Variants in CCDC149 observed in about 807,000 individuals in gnomAD.
The protein encoded by CCDC149 is coiled-coil domain containing 149.
CCDC149 carries 45 observed loss-of-function variants against 59.9 expected under a neutral mutation model. That is an observed-to-expected ratio of 0.75 (90% CI 0.59 to 0.96). The LOEUF (loss-of-function observed/expected upper bound fraction) is 0.96. Ranked by LOEUF, CCDC149 falls within the 40% of genes least tolerant of loss-of-function variation. CCDC149 has a pLI of 0.00. For synonymous variants in CCDC149, 245 were observed against 260.6 expected, an observed-to-expected ratio of 0.94 and a Z score of 0.58; for missense variants, 584 against 664.7, an observed-to-expected ratio of 0.88 and a Z score of 1.33.
chr4:24,931,331 A>C (rs538131163), intron 1 of CCDC149, among the ~76,000 whole-genome samples: 2 of 147,524 alleles, frequency 1.4e-5, no homozygotes, highest in South Asian at 2.1e-4. Flanking sequence ...ATATATATAT[A>C]TCTCAGTACA....
At chr4:24,831,685 A>C (rs534560372) in intron 8 of CCDC149, 35 bp from the exon 9 acceptor site, 8 of 1,593,422 alleles carry the variant, frequency 5.0e-6, no homozygotes, top group Non-Finnish European at 5.1e-6. Context: ...CTCAGTCGTC[A>C]TTCTTCTGAA....
intron 1 of CCDC149, among the ~76,000 whole-genome samples, chr4:24,928,462 T>A (rs1302699623): frequency 6.6e-6 from 1 of 152,180 alleles, no homozygotes; most frequent in Non-Finnish European, 1.5e-5. Context: ...TGCATAAAAG[T>A]CGAAGGCTTA....
At chr4:24,977,275 C>A (rs557008088) in intron 1 of CCDC149, among the ~76,000 whole-genome samples, 18 of 152,236 alleles carry the variant, frequency 1.2e-4, no homozygotes, top group African/African-American at 4.3e-4. Context: ...ATCGAGGACT[C>A]CAAGCTGGCA....
chr4:24,903,027 A>AAAAAC (rs1721266983), intron 1 of CCDC149, among the ~76,000 whole-genome samples: 1 of 114,520 alleles, frequency 8.7e-6, no homozygotes, highest in Non-Finnish European at 2.0e-5. Flanking sequence ...TCTAACTCAA[A>AAAAAC]AAAAAAAAAA....
Position 24,912,800 on chromosome 4 carries a change from C to T in CCDC149, c.63+17G>A, listed in dbSNP as rs1389055041. On this transcript the variant is annotated intron_variant, in intron 1 of 12. Coordinates refer to ENST00000635206, the MANE Select transcript of CCDC149 (RefSeq NM_001330643.2). ...CTCGGCCCGGCCCATCCCGCCTGGC[C>T]GGCGCCGCGGCCTCACCTCGCTCAC... 3 of 1,315,484 alleles carry T rather than the reference C, an allele frequency of 2.3e-6. No homozygotes were observed. The highest frequency in any genetic ancestry group is 3.8e-5 in the East Asian group (1 of 26,306). The allele number at this position is 1,315,484 out of a possible 1,614,324, so 81.5% of individuals were successfully genotyped here.
chr4:24,822,675 T>C (rs1241785660), intron 9 of CCDC149, 102 bp from the exon 10 acceptor site: 1 of 712,820 alleles, frequency 1.4e-6, no homozygotes, highest in South Asian at 2.1e-5. Flanking sequence ...TTGAGATTTA[T>C]GATATATGCA....
chr4:24,947,720 A>G (rs1286867818), intron 1 of CCDC149, among the ~76,000 whole-genome samples: 2 of 152,214 alleles, frequency 1.3e-5, no homozygotes, highest in African/African-American at 4.8e-5. Context: ...GGCTTCATAT[A>G]AAAAATACAA....
At chr4:24,927,197 C>T (rs80243069) in intron 1 of CCDC149, among the ~76,000 whole-genome samples, 6,176 of 152,230 alleles carry the variant, frequency 0.041, 197 homozygotes, top group Non-Finnish European at 0.053. Context: ...ATATAATTTC[C>T]CACATCCAGG....
At chr4:24,954,049 G>T (rs1455370615) in intron 1 of CCDC149, among the ~76,000 whole-genome samples, 1 of 152,004 alleles carries the variant, frequency 6.6e-6, no homozygotes, top group Non-Finnish European at 1.5e-5. Flanking sequence ...AGAACCTATA[G>T]GACACATTGT....
intron 1 of CCDC149, among the ~76,000 whole-genome samples, chr4:24,967,664 A>T (rs1723839241): frequency 6.6e-6 from 1 of 150,708 alleles, no homozygotes; most frequent in Non-Finnish European, 1.5e-5. Flanking sequence ...TCTAGTTGCC[A>T]CAGACTTAGT....
At chr4:24,820,372 C>T (rs1042247670) in intron 11 of CCDC149, among the ~76,000 whole-genome samples, 4 of 152,054 alleles carry the variant, frequency 2.6e-5, no homozygotes, top group Non-Finnish European at 4.4e-5. Flanking sequence ...CATCGATGGG[C>T]TGATAACTGA....
chr4:24,979,112 G>T (rs1192245306), intron 1 of CCDC149, among the ~76,000 whole-genome samples: 1 of 152,222 alleles, frequency 6.6e-6, no homozygotes. Context: ...CACCATGGGG[G>T]ACATGGATTC....
intron 1 of CCDC149, among the ~76,000 whole-genome samples, chr4:24,977,228 A>G (rs557831508): frequency 6.6e-6 from 1 of 152,080 alleles, no homozygotes; most frequent in East Asian, 1.9e-4. Flanking sequence ...TCCCCAGGAC[A>G]TTGGCTGGAG....
intron 12 of CCDC149, among the ~76,000 whole-genome samples, chr4:24,814,042 CA>C (rs1714847281): frequency 6.6e-6 from 1 of 152,182 alleles, no homozygotes; most frequent in Non-Finnish European, 1.5e-5. Context: ...TTTTCACATT[CA>C]AAATAAGTTT....
At position 24,874,606 on chromosome 4, in the gene CCDC149, C is replaced by T. The variant is rs375361057; in HGVS notation, c.226-887G>A. Among the ~76,000 whole-genome samples, 40 of 152,030 alleles carry T rather than the reference C, an allele frequency of 2.6e-4. No individual in the cohort carries two copies. In the East Asian group the frequency reaches 3.7e-3, roughly 14 times the overall value. On this transcript the variant is annotated intron_variant, in intron 2 of 12. Transcript: ENST00000635206. Reference sequence around the variant, plus strand: ...CACACACACACACAAAAAAAGGATCCGATTCCTCTCCCTTTTGTGCCACAT... The same window carrying T: ...CACACACACACACAAAAAAAGGATCTGATTCCTCTCCCTTTTGTGCCACAT...
At chr4:24,829,974 G>A (rs1308329080) in intron 9 of CCDC149, 2 of 152,788 alleles carry the variant, frequency 1.3e-5, no homozygotes, top group East Asian at 1.9e-4. Context: ...CCAGAAGAAG[G>A]GAGGAGGTTG....
Position 24,822,579 on chromosome 4 carries a change from A to C in CCDC149, c.966-6T>G, listed in dbSNP as rs1489662830. 19 of 1,528,256 alleles carry C rather than the reference A, an allele frequency of 1.2e-5. No individual in the cohort carries two copies. The highest frequency in any genetic ancestry group is 1.6e-5 in the Non-Finnish European group (18 of 1,137,038). The allele number at this position is 1,528,256 out of a possible 1,614,324, so 94.7% of individuals were successfully genotyped here. ...CCACCCGATTCCCTAGGATTCTGAA[A>C]AAAGGGGAGAAAATGACAATCAATT... On this transcript the variant is annotated splice_polypyrimidine_tract_variant and splice_region_variant and intron_variant, in intron 9 of 12. Transcript: ENST00000635206.
intron 3 of CCDC149, among the ~76,000 whole-genome samples, chr4:24,855,879 A>G (rs800468): frequency 0.79 from 119,830 of 152,260 alleles, 47,167 homozygotes; most frequent in East Asian, 0.91. Flanking sequence ...AAATTTCCCT[A>G]AATGGGAGGA....
intron 7 of CCDC149, among the ~76,000 whole-genome samples, chr4:24,836,136 T>C (rs1028684986): frequency 2.0e-5 from 3 of 152,244 alleles, no homozygotes; most frequent in Admixed American, 6.5e-5. Context: ...ACCAAGGCTA[T>C]GCAATATGCA....
Sources: allele counts gnomAD v4.1 joint callset (sites outside exome capture counted in the v4.1 genomes callset), GRCh38; gene constraint gnomAD v4.1.1; transcripts MANE v1.5; gene names NCBI Gene and HGNC (gene_info 2026-07-23, HGNC 2026-07-21).